Variants in ZNF407 observed in about 807,000 individuals in gnomAD.
ZNF407 encodes the protein zinc finger protein 407.
In ZNF407, 17 loss-of-function variants were observed where a neutral mutation model predicts 131.2. The ratio of observed to expected loss-of-function variants is 0.13; its 90% CI spans 0.09 to 0.19. ZNF407 has a LOEUF of 0.19. Ranked by LOEUF, ZNF407 falls within the 10% of genes least tolerant of loss-of-function variation. ZNF407 has a pLI of 1.00. For missense variants in ZNF407, 2,681 were observed against 2,830.6 expected, an observed-to-expected ratio of 0.95 and a Z score of 1.20; for synonymous variants, 1,156 against 1,062.0, an observed-to-expected ratio of 1.09 and a Z score of -1.72.
At chr18:74,824,681 A>G (rs1158086983) in intron 4 of ZNF407, among the ~76,000 whole-genome samples, 1 of 152,246 alleles carries the variant, frequency 6.6e-6, no homozygotes, top group African/African-American at 2.4e-5. Context: ...CAAATCCCTG[A>G]ATAGACCAAT....
At chr18:74,816,105 C>T (rs530016788) in intron 4 of ZNF407, among the ~76,000 whole-genome samples, 55 of 152,254 alleles carry the variant, frequency 3.6e-4, no homozygotes, top group African/African-American at 1.3e-3. Flanking sequence ...TATGAAGGGA[C>T]AATCATGAAT....
chr18:74,861,947 G>C (rs974503779), intron 4 of ZNF407, among the ~76,000 whole-genome samples: 5 of 152,074 alleles, frequency 3.3e-5, no homozygotes, highest in Non-Finnish European at 7.4e-5. Flanking sequence ...TAGAGTTACA[G>C]ATTAATTCAG....
intron 4 of ZNF407, among the ~76,000 whole-genome samples, chr18:74,835,633 T>G (rs1003107765): frequency 4.2e-5 from 4 of 96,100 alleles, no homozygotes; most frequent in South Asian, 6.7e-4. Context: ...GAGGGGGGTG[T>G]GTGTGTGTGT....
intron 4 of ZNF407, among the ~76,000 whole-genome samples, chr18:74,790,896 A>G (rs1599156210): frequency 6.6e-6 from 1 of 152,220 alleles, no homozygotes; most frequent in East Asian, 1.9e-4. Flanking sequence ...GAGAAAGAAG[A>G]TATTTTTATT....
Position 74,634,788 on chromosome 18 carries a change from G to C in ZNF407, c.3769G>C (p.Glu1257Gln), listed in dbSNP as rs1249150102. The C allele has an allele frequency of 6.2e-7, 1 of 1,613,906 alleles. No homozygotes were observed. The highest frequency in any genetic ancestry group is 8.5e-7 in the Non-Finnish European group (1 of 1,179,908). Residue 1257 changes from glutamate (E) to glutamine (Q), a missense_variant, in exon 2 of 9, where the codon GAG (glutamate) becomes CAG (glutamine). Glu to Gln is a conservative substitution (Grantham distance 29, BLOSUM62 2). Coordinates refer to ENST00000299687, the MANE Select transcript of ZNF407 (RefSeq NM_017757.3). ...RHLCPVTLDGERSAESPVLVV... is the reference protein window; with the variant it reads ...RHLCPVTLDGQRSAESPVLVV... ...CCTGTGCCCTGTGACGCTCGATGGG[G>C]AGCGCTCGGCTGAAAGCCCTGTGCT...
At chr18:74,718,849 C>G (rs1967958127) in intron 3 of ZNF407, among the ~76,000 whole-genome samples, 1 of 152,026 alleles carries the variant, frequency 6.6e-6, no homozygotes, top group East Asian at 1.9e-4. Context: ...AAGGAAATAA[C>G]TTTATCTGTA....
chr18:74,996,246 C>T (rs1416457753), intron 8 of ZNF407, among the ~76,000 whole-genome samples: 1 of 151,916 alleles, frequency 6.6e-6, no homozygotes, highest in Non-Finnish European at 1.5e-5. Context: ...TTTTTCACAG[C>T]GGTGGCTTTT....
At chr18:74,712,820 A>G (rs1246637535) in intron 3 of ZNF407, among the ~76,000 whole-genome samples, 3 of 152,210 alleles carry the variant, frequency 2.0e-5, no homozygotes, top group African/African-American at 7.2e-5. Flanking sequence ...TGAGATCAGA[A>G]GTGGTGTTAA....
chr18:75,036,270 A>G (rs1183196991), intron 8 of ZNF407, among the ~76,000 whole-genome samples: 5 of 152,122 alleles, frequency 3.3e-5, no homozygotes, highest in Admixed American at 1.3e-4. Context: ...CTTTGATTTC[A>G]TTTTCACTGT....
chr18:74,926,251 C>A (rs1768273932), intron 8 of ZNF407, among the ~76,000 whole-genome samples: 1 of 152,168 alleles, frequency 6.6e-6, no homozygotes, highest in Admixed American at 6.5e-5. Context: ...GCTCTCATTC[C>A]TGTTGGAATT....
chr18:75,028,099 T>C (rs1973192516), intron 8 of ZNF407, among the ~76,000 whole-genome samples: 1 of 152,218 alleles, frequency 6.6e-6, no homozygotes, highest in Admixed American at 6.5e-5. Context: ...TGTGTTTTCT[T>C]TATAAAACAT....
chr18:75,012,300 A>ATAGCAGGC (rs1568300445), intron 8 of ZNF407, among the ~76,000 whole-genome samples: 6 of 109,168 alleles, frequency 5.5e-5, no homozygotes, highest in Non-Finnish European at 1.2e-4. Context: ...CACATAGTGT[A>ATAGCAGGC]TGTACACATA....
rs1461231640 is a variant in ZNF407 at position 75,063,576 on chromosome 18, G to T, written c.5855G>T (p.Gly1952Val). Reference protein sequence around the residue: ...VVVGGSMEGHGMDESLSPGGA... With the variant: ...VVVGGSMEGHVMDESLSPGGA... ...GTGGGGGGCTCCATGGAAGGCCACGGCATGGATGAGTCCCTCAGTCCAGGT... is the reference window on the plus strand; with the variant it reads ...GTGGGGGGCTCCATGGAAGGCCACGTCATGGATGAGTCCCTCAGTCCAGGT... The change falls in exon 9 of 9, where the codon GGC (glycine) becomes GTC (valine). Residue 1952 changes from glycine (G) to valine (V), a missense_variant. Gly to Val is a moderately radical substitution (Grantham distance 109). Coordinates refer to ENST00000299687, the MANE Select transcript of ZNF407 (RefSeq NM_017757.3). The surrounding 1 kb of genome is among the most constrained non-coding windows in gnomAD (Gnocchi z 6.6). 3.2e-6 allele frequency: 5 copies of T among 1,567,846 alleles called. No individual in the cohort carries two copies. The highest frequency in any genetic ancestry group is 4.3e-6 in the Non-Finnish European group (5 of 1,158,098).
chr18:74,908,829 T>C (rs1461748469), intron 7 of ZNF407, among the ~76,000 whole-genome samples: 1 of 152,146 alleles, frequency 6.6e-6, no homozygotes, highest in Non-Finnish European at 1.5e-5. Context: ...TAAAGCAACA[T>C]ATATGGAGGC....
chr18:74,941,644 T>C (rs1368009539), intron 8 of ZNF407, among the ~76,000 whole-genome samples: 1 of 152,234 alleles, frequency 6.6e-6, no homozygotes, highest in Non-Finnish European at 1.5e-5. Context: ...TAAGCATGTA[T>C]GTTATTCCTT....
chr18:74,614,384 G>T (rs1018185538), intron 1 of ZNF407, among the ~76,000 whole-genome samples: 1 of 152,218 alleles, frequency 6.6e-6, no homozygotes, highest in African/African-American at 2.4e-5. Context: ...ATAATTTTAT[G>T]TGGCAAATTA....
At chr18:74,899,491 T>C (rs919060145) in intron 7 of ZNF407, among the ~76,000 whole-genome samples, 5 of 152,116 alleles carry the variant, frequency 3.3e-5, no homozygotes, top group African/African-American at 1.2e-4. Flanking sequence ...GAGGAGGATG[T>C]CCTTTAGGAA....
At chr18:75,019,860 C>T (rs763785988) in intron 8 of ZNF407, among the ~76,000 whole-genome samples, 3 of 152,084 alleles carry the variant, frequency 2.0e-5, no homozygotes, top group Non-Finnish European at 4.4e-5. Context: ...GTGATACACA[C>T]TTTTGAACAA....
At chr18:74,814,379 C>T (rs1255916186) in intron 4 of ZNF407, among the ~76,000 whole-genome samples, 1 of 152,116 alleles carries the variant, frequency 6.6e-6, no homozygotes, top group Non-Finnish European at 1.5e-5. Context: ...CCTGCCTCAG[C>T]CTCCCACAGT....
Sources: allele counts gnomAD v4.1 joint callset (sites outside exome capture counted in the v4.1 genomes callset), GRCh38; gene constraint gnomAD v4.1.1; non-coding constraint Gnocchi (gnomAD v3.1); transcripts MANE v1.5; gene names NCBI Gene and HGNC (gene_info 2026-07-23, HGNC 2026-07-21).